Variants in PRELP observed in about 807,000 individuals in gnomAD.
The protein encoded by PRELP is proline and arginine rich end leucine rich repeat protein.
PRELP carries 16 observed loss-of-function variants against 22.8 expected under a neutral mutation model. The ratio of observed to expected loss-of-function variants is 0.70; its 90% CI spans 0.47 to 1.06. The LOEUF is 1.06. Among genes scored for constraint, PRELP ranks in the 50% least tolerant of loss-of-function variants. PRELP has a pLI of 0.00. For synonymous variants in PRELP, 233 were observed against 211.4 expected (o/e 1.10, Z -0.89); for missense variants, 434 against 485.2 (o/e 0.89, Z 0.99).
In PRELP at chr1:203,490,101, A is replaced by C. The variant is rs1333226839; in HGVS notation, c.*3220A>C. ...TATACTCTTAAGAAATTCCTACGAA[A>C]GCTATCCAAAAGCCTTTTCTTTCCT... On this transcript the variant is annotated 3_prime_UTR_variant, in exon 3 of 3. Transcript: ENST00000343110. 1 of 150,754 alleles carries C rather than the reference A, an allele frequency of 6.6e-6. No homozygotes were observed. Among genetic ancestry groups the C allele is most frequent in the Non-Finnish European group, 1.5e-5 (1 of 67,772 alleles). The allele number at this position is 150,754 out of a possible 1,614,324, so 9.3% of individuals were successfully genotyped here.
chr1:203,484,243 G>T, intron 2 of PRELP, 86 bp downstream of exon 2: 1 of 1,518,292 alleles, frequency 6.6e-7, no homozygotes, highest in East Asian at 2.3e-5. Flanking sequence ...ACTCAGGGTG[G>T]GGTGGTATAA....
chr1:203,477,580 G>A (rs1660932868), intron 1 of PRELP, among the ~76,000 whole-genome samples: 1 of 152,064 alleles, frequency 6.6e-6, no homozygotes, highest in Non-Finnish European at 1.5e-5. Flanking sequence ...GACCCTTATA[G>A]GTCCCTGCTC....
Position 203,483,667 on chromosome 1 carries a change from G to A in PRELP, c.483G>A (p.Gln161=). The change falls in exon 2 of 3, where the codon CAG becomes CAA. Residue 161 remains glutamine (Q), a synonymous_variant. Coordinates refer to ENST00000343110, the MANE Select transcript of PRELP (RefSeq NM_002725.4). This position sits in a 1 kb window ranked among gnomAD's most constrained non-coding sequence, Gnocchi z 4.4. ...TGTTCCTCTACATGGAGAAGAACCA[G>A]TTGGAAGAGGTCCCCTCGGCCCTGC... is the stretch of plus-strand genomic sequence containing the variant. ...GLVFLYMEKN[Q]LEEVPSALPR... is the part of the protein sequence containing the mutation. The A allele has an allele frequency of 6.2e-7, 1 of 1,614,214 alleles. No individual in the cohort carries two copies. The highest frequency in any genetic ancestry group is 1.1e-5 in the South Asian group (1 of 91,074).
intron 1 of PRELP, among the ~76,000 whole-genome samples, chr1:203,482,665 T>C (rs1262277245): frequency 7.6e-6 from 1 of 130,742 alleles, no homozygotes; most frequent in Non-Finnish European, 1.6e-5. Context: ...TGGTGCAATC[T>C]CGGCTCACTG....
chr1:203,483,351 C>CAG lies in PRELP; in HGVS notation c.169_170dup (p.Asp57GlufsTer86). The CAG allele has an allele frequency of 6.2e-7, 1 of 1,614,142 alleles. No individual in the cohort carries two copies. The highest frequency in any genetic ancestry group is 1.3e-5 in the African/African-American group (1 of 75,042). On this transcript the variant is annotated frameshift_variant, in exon 2 of 3. Transcript: ENST00000343110. LOFTEE classifies it high-confidence loss of function. This position sits in a 1 kb window ranked among gnomAD's most constrained non-coding sequence, Gnocchi z 4.4. ...CAGCCTGATGAACCAGCAGAGCCAACAGACCTGCCTCCTCCCCTCCCTCCA... is the reference window on the plus strand; with the variant it reads ...CAGCCTGATGAACCAGCAGAGCCAACAGAGACCTGCCTCCTCCCCTCCCTCCA...
intron 2 of PRELP, 30 bp downstream of exon 2, chr1:203,484,187 A>C: frequency 6.3e-7 from 1 of 1,593,438 alleles, no homozygotes; most frequent in Non-Finnish European, 8.6e-7. Context: ...GCGGGGCCGA[A>C]GGCAAGGAGG....
At chr1:203,478,519 AT>A (rs1024354240) in intron 1 of PRELP, among the ~76,000 whole-genome samples, 2 of 152,144 alleles carry the variant, frequency 1.3e-5, no homozygotes, top group African/African-American at 4.8e-5. Flanking sequence ...TGTTATTTTT[AT>A]TTTTAGCACT....
rs747818369 is a variant in PRELP, at chr1:203,483,793, G to C, written c.609G>C (p.Gln203His). 4 of 1,614,048 alleles carry C rather than the reference G, an allele frequency of 2.5e-6. No individual in the cohort carries two copies. The highest frequency in any genetic ancestry group is 3.4e-6 in the Non-Finnish European group (4 of 1,180,012). Residue 203 changes from glutamine to histidine, a missense_variant, in exon 2 of 3, where the codon CAG becomes CAC. Gln to His is a conservative substitution (Grantham distance 24). Transcript: ENST00000343110. The surrounding 1 kb of genome is among the most constrained non-coding windows in gnomAD (Gnocchi z 4.4). Reference sequence around the variant, plus strand: ...AGAACCTGCTGCTCCTGGATCTCCAGCACAACAGGCTGAGCGACGGCGTCT... The same window carrying C: ...AGAACCTGCTGCTCCTGGATCTCCACCACAACAGGCTGAGCGACGGCGTCT... ...KLENLLLLDL[Q>H]HNRLSDGVFK...
In PRELP at chr1:203,484,120, G is replaced by A; in HGVS notation, c.936G>A (p.Arg312=). 2 of 1,613,788 alleles carry A rather than the reference G, an allele frequency of 1.2e-6. No individual in the cohort carries two copies. Among genetic ancestry groups the A allele is most frequent in the Non-Finnish European group, 1.7e-6 (2 of 1,179,930 alleles). ...RISSVPAINN[R]LEHLYLNNNS... is the part of the protein sequence containing the mutation. Reference sequence around the variant, plus strand: ...GCAGTGTGCCCGCCATCAACAACAGGCTGGAACACCTGTACCTCAACAACA... The same window carrying A: ...GCAGTGTGCCCGCCATCAACAACAGACTGGAACACCTGTACCTCAACAACA... Residue 312 remains arginine (R), a synonymous_variant, in exon 2 of 3, where the codon AGG becomes AGA. Transcript: ENST00000343110.
intron 1 of PRELP, among the ~76,000 whole-genome samples, chr1:203,478,344 T>C (rs1157858769): frequency 1.3e-5 from 2 of 152,064 alleles, no homozygotes; most frequent in Non-Finnish European, 1.5e-5. Context: ...ATATGGTAGG[T>C]GGCGGGCTGT....
At position 203,483,271 on chromosome 1, in the gene PRELP, G is replaced by A; in HGVS notation, c.87G>A (p.Gly29=). ...QGQPTRRPRP[G]TGPGRRPRPR... Reference sequence around the variant, plus strand: ...AGCCAACAAGACGACCAAGACCCGGGACTGGGCCCGGGCGCAGACCCAGGC... The same window carrying A: ...AGCCAACAAGACGACCAAGACCCGGAACTGGGCCCGGGCGCAGACCCAGGC... The change falls in exon 2 of 3, where the codon GGG becomes GGA. Residue 29 remains glycine, a synonymous_variant. Transcript: ENST00000343110. This position sits in a 1 kb window ranked among gnomAD's most constrained non-coding sequence, Gnocchi z 4.4. 1.2e-6 allele frequency: 2 copies of A among 1,610,302 alleles called. No individual in the cohort carries two copies. The highest frequency in any genetic ancestry group is 1.7e-6 in the Non-Finnish European group (2 of 1,178,804).
rs1162446118 is a variant in PRELP at position 203,483,996 on chromosome 1, T to C, written c.812T>C (p.Ile271Thr). The C allele has an allele frequency of 6.8e-6, 11 of 1,614,236 alleles. No homozygotes were observed. Among genetic ancestry groups the C allele is most frequent in the South Asian group, 1.1e-5 (1 of 91,078 alleles). ...AAGAGCTTTCCCAATCTTGCCTTCA[T>C]TCGGCTTAACTACAACAAGCTGACA... Reference protein sequence around the residue: ...YFKSFPNLAFIRLNYNKLTDR... With the variant: ...YFKSFPNLAFTRLNYNKLTDR... Residue 271 changes from isoleucine (I) to threonine (T), a missense_variant, in exon 2 of 3, where the codon ATT (isoleucine) becomes ACT (threonine). Ile to Thr is a moderately conservative substitution (Grantham distance 89). Transcript: ENST00000343110. The surrounding 1 kb of genome is among the most constrained non-coding windows in gnomAD (Gnocchi z 4.4).
intron 2 of PRELP, among the ~76,000 whole-genome samples, chr1:203,484,793 A>G (rs1409504272): frequency 6.6e-6 from 1 of 152,132 alleles, no homozygotes; most frequent in Non-Finnish European, 1.5e-5. Flanking sequence ...CCTAAGTGAC[A>G]TTTACAGGGT....
At chr1:203,485,652 AC>A (rs1661081851) in intron 2 of PRELP, among the ~76,000 whole-genome samples, 1 of 152,048 alleles carries the variant, frequency 6.6e-6, no homozygotes, top group Admixed American at 6.6e-5. Context: ...ATAAGAGAAA[AC>A]CCCCGTGTCA....
intron 2 of PRELP, 51 bp from the exon 3 acceptor site, chr1:203,486,655 T>C: frequency 6.5e-7 from 1 of 1,533,320 alleles, no homozygotes; most frequent in Admixed American, 1.7e-5. Flanking sequence ...CTTCCTCATC[T>C]TGGCCGCCAG....
At chr1:203,484,749 G>A (rs1395588249) in intron 2 of PRELP, among the ~76,000 whole-genome samples, 1 of 152,198 alleles carries the variant, frequency 6.6e-6, no homozygotes, top group Non-Finnish European at 1.5e-5. Flanking sequence ...ATCTGGAAGG[G>A]TGCGATGTTT....
intron 2 of PRELP, 27 bp downstream of exon 2, chr1:203,484,184 C>T (rs753073695): frequency 2.3e-5 from 37 of 1,594,882 alleles, no homozygotes; most frequent in South Asian, 3.4e-5. Context: ...GGGGCGGGGC[C>T]GAAGGCAAGG....
intron 2 of PRELP, among the ~76,000 whole-genome samples, chr1:203,486,486 C>A (rs956205160): frequency 1.3e-5 from 2 of 152,190 alleles, no homozygotes; most frequent in Admixed American, 1.3e-4. Context: ...AGTTAACTTG[C>A]AATAACAGTT....
rs539121679 is a variant in PRELP, at chr1:203,487,814, T to A, written c.*933T>A. On this transcript the variant is annotated 3_prime_UTR_variant, in exon 3 of 3. Coordinates refer to ENST00000343110, the MANE Select transcript of PRELP (RefSeq NM_002725.4). ...CCATCAGTGTGCGCGGCCCAGCCAT[T>A]TCCACCCTCGGGAGGCGGCTCCTGA... The A allele has an allele frequency of 6.6e-6, 1 of 152,248 alleles. No homozygotes were observed. The highest frequency in any genetic ancestry group is 6.5e-5 in the Admixed American group (1 of 15,292). The allele number at this position is 152,248 out of a possible 1,614,324, so 9.4% of individuals were successfully genotyped here. A position where few individuals can be genotyped will look rare whatever the true frequency, so the allele number is the denominator to read the frequency against.
Sources: allele counts gnomAD v4.1 joint callset (sites outside exome capture counted in the v4.1 genomes callset), GRCh38; gene constraint gnomAD v4.1.1; non-coding constraint Gnocchi (gnomAD v3.1); transcripts MANE v1.5; gene names NCBI Gene and HGNC (gene_info 2026-07-23, HGNC 2026-07-21).